The following MBLAC2 variants were observed in gnomAD, a reference collection of about 807,000 sequenced individuals.
The protein encoded by MBLAC2 is acyl-coenzyme A thioesterase MBLAC2.
In MBLAC2, 24 loss-of-function variants were observed where a neutral mutation model predicts 23.3. The ratio of observed to expected loss-of-function variants is 1.03; its 90% CI spans 0.75 to 1.45. The LOEUF (loss-of-function observed/expected upper bound fraction) is 1.45. Among genes scored for constraint, MBLAC2 ranks in the 40% most tolerant of loss-of-function variants. The pLI, the probability that MBLAC2 is intolerant of heterozygous loss-of-function variation, is 0.00. For synonymous variants in MBLAC2, 162 were observed against 150.9 expected (o/e 1.07, Z -0.54); for missense variants, 358 against 370.0 (o/e 0.97, Z 0.27).
At chr5:90,461,592 T>C (rs910166641) in intron 1 of MBLAC2, 40 bp from the exon 2 acceptor site, 1 of 1,554,084 alleles carries the variant, frequency 6.4e-7, no homozygotes, top group Non-Finnish European at 8.7e-7. Context: ...ACATGTTGTA[T>C]ACTTGACTTA....
chr5:90,469,170 T>C (rs1421886760), intron 1 of MBLAC2, among the ~76,000 whole-genome samples: 5 of 152,196 alleles, frequency 3.3e-5, no homozygotes, highest in Admixed American at 2.0e-4. Flanking sequence ...TTCACTATGT[T>C]GGCCAGGCTG....
chr5:90,463,124 C>A (rs1284204917), intron 1 of MBLAC2, among the ~76,000 whole-genome samples: 1 of 152,218 alleles, frequency 6.6e-6, no homozygotes, highest in Non-Finnish European at 1.5e-5. Flanking sequence ...TGCTCTCTCG[C>A]CCCGGCTGGA....
chr5:90,466,062 T>C (rs1027945795), intron 1 of MBLAC2, among the ~76,000 whole-genome samples: 4 of 152,210 alleles, frequency 2.6e-5, no homozygotes, highest in African/African-American at 7.2e-5. Flanking sequence ...AGAAGACGTA[T>C]ACTAATTTCA....
At chr5:90,462,927 CAACTGTAGTTGA>C (rs1580180023) in intron 1 of MBLAC2, among the ~76,000 whole-genome samples, 2 of 152,256 alleles carry the variant, frequency 1.3e-5, no homozygotes, top group South Asian at 2.1e-4. Flanking sequence ...ACATTCTTTT[CAACTGTAGTTGA>C]AATATTCAAC....
intron 1 of MBLAC2, among the ~76,000 whole-genome samples, chr5:90,470,754 G>GCACACA (rs112575403): frequency 0.11 from 12,874 of 112,256 alleles, 642 homozygotes; most frequent in African/African-American, 0.14. Context: ...ACTAGCGCGC[G>GCACACA]CGCACACACA....
At chr5:90,463,028 A>G (rs1471113965) in intron 1 of MBLAC2, among the ~76,000 whole-genome samples, 2 of 152,244 alleles carry the variant, frequency 1.3e-5, no homozygotes, top group Non-Finnish European at 2.9e-5. Context: ...TTCTCTGCCT[A>G]CAACATAATT....
intron 1 of MBLAC2, among the ~76,000 whole-genome samples, chr5:90,465,146 T>G (rs1347687062): frequency 6.6e-6 from 1 of 152,162 alleles, no homozygotes. Context: ...TTTACCAATG[T>G]TACAGGATAC....
At chr5:90,468,995 G>C (rs1444475592) in intron 1 of MBLAC2, among the ~76,000 whole-genome samples, 1 of 152,038 alleles carries the variant, frequency 6.6e-6, no homozygotes, top group African/African-American at 2.4e-5. Context: ...AGCATAAATA[G>C]GCAATCTAAG....
Position 90,474,115 on chromosome 5 carries a change from AGGAGTACAGGTACTCCGGGAG to A in MBLAC2, c.157_177del (p.Leu53_Ser59del). On this transcript the variant is annotated inframe_deletion, in exon 1 of 2. Coordinates refer to ENST00000316610, the MANE Select transcript of MBLAC2 (RefSeq NM_203406.2). ...GCCTCTCGGTCCTGCAAGAGGCCGG[AGGAGTACAGGTACTCCGGGAG>A]GCTGCGCAGCCCCAGGCCTGTATCG... 6.3e-7 allele frequency: 1 copy of A among 1,580,806 alleles called. No homozygotes were observed. The highest frequency in any genetic ancestry group is 8.6e-7 in the Non-Finnish European group (1 of 1,163,344).
intron 1 of MBLAC2, among the ~76,000 whole-genome samples, chr5:90,469,563 CT>C (rs1381609501): frequency 5.3e-5 from 8 of 152,008 alleles, no homozygotes; most frequent in Non-Finnish European, 8.8e-5. Context: ...TCTTATCCCC[CT>C]GATGATATTG....
intron 1 of MBLAC2, among the ~76,000 whole-genome samples, chr5:90,470,313 T>C (rs1217668373): frequency 2.0e-5 from 3 of 152,184 alleles, no homozygotes; most frequent in East Asian, 1.9e-4. Context: ...CAAGGATTTA[T>C]TGCATGTTTC....
At position 90,460,637 on chromosome 5, in the gene MBLAC2, CATGAA is replaced by C. The variant is rs1378294749; in HGVS notation, c.*525_*529del. 6.6e-6 allele frequency: 1 copy of C among 152,422 alleles called. No individual in the cohort carries two copies. The highest frequency in any genetic ancestry group is 2.4e-5 in the African/African-American group (1 of 41,400). 9.4% of individuals were successfully genotyped at this position (152,422 alleles called of 1,614,324 possible). On this transcript the variant is annotated 3_prime_UTR_variant, in exon 2 of 2. Coordinates refer to ENST00000316610, the MANE Select transcript of MBLAC2 (RefSeq NM_203406.2). Reference sequence around the variant, plus strand: ...GCTATAATTATACAAAGAATAAATACATGAAATGAAGCATAAAAAATTCAGGACCA... The same window carrying C: ...GCTATAATTATACAAAGAATAAATACATGAAGCATAAAAAATTCAGGACCA...
In MBLAC2 at chr5:90,474,388, TGCCTGCA is replaced by T. The variant is rs1554037636; in HGVS notation, c.-103_-97del. On this transcript the variant is annotated 5_prime_UTR_variant, in exon 1 of 2. Coordinates refer to ENST00000316610, the MANE Select transcript of MBLAC2 (RefSeq NM_203406.2). ...GGCACTGCGGCTGTGTGAAGCGGTC[TGCCTGCA>T]GCCAGGGAGGAGGCGTAGAGCGAGG... 1 of 1,165,642 alleles carries T rather than the reference TGCCTGCA, an allele frequency of 8.6e-7. No individual in the cohort carries two copies. The highest frequency in any genetic ancestry group is 1.2e-6 in the Non-Finnish European group (1 of 802,574). 72.2% of individuals were successfully genotyped at this position (1,165,642 alleles called of 1,614,324 possible). A position where few individuals can be genotyped will look rare whatever the true frequency, so the allele number is the denominator to read the frequency against.
chr5:90,466,886 C>A (rs1750455723), intron 1 of MBLAC2, among the ~76,000 whole-genome samples: 1 of 152,138 alleles, frequency 6.6e-6, no homozygotes, highest in Non-Finnish European at 1.5e-5. Context: ...GCCTGTAATA[C>A]CAGCAATTTG....
chr5:90,474,384 G>T lies in MBLAC2; in HGVS notation c.-92C>A, dbSNP rs377076752. Reference sequence around the variant, plus strand: ...ACAGGGCACTGCGGCTGTGTGAAGCGGTCTGCCTGCAGCCAGGGAGGAGGC... The same window carrying T: ...ACAGGGCACTGCGGCTGTGTGAAGCTGTCTGCCTGCAGCCAGGGAGGAGGC... On this transcript the variant is annotated 5_prime_UTR_variant, in exon 1 of 2. Transcript: ENST00000316610. The T allele has an allele frequency of 4.1e-6, 5 of 1,206,328 alleles. No homozygotes were observed. The highest frequency in any genetic ancestry group is 3.0e-5 in the African/African-American group (2 of 66,010). 74.7% of individuals were successfully genotyped at this position (1,206,328 alleles called of 1,614,324 possible).
At chr5:90,468,631 A>G (rs917274851) in intron 1 of MBLAC2, among the ~76,000 whole-genome samples, 1 of 152,076 alleles carries the variant, frequency 6.6e-6, no homozygotes, top group Non-Finnish European at 1.5e-5. Context: ...CTTACATTCT[A>G]TTCATCAGCA....
chr5:90,468,493 A>T (rs1239688872), intron 1 of MBLAC2, among the ~76,000 whole-genome samples: 1 of 151,600 alleles, frequency 6.6e-6, no homozygotes, highest in Admixed American at 6.6e-5. Flanking sequence ...TATTGCTGAG[A>T]CTTTCCAGTG....
chr5:90,471,929 A>T (rs1750555248), intron 1 of MBLAC2: 2 of 152,316 alleles, frequency 1.3e-5, no homozygotes, highest in South Asian at 2.1e-4. Flanking sequence ...AGTGTTTGGT[A>T]AACATTAAGC....
intron 1 of MBLAC2, chr5:90,471,863 C>T (rs1204029362): frequency 6.6e-6 from 1 of 152,176 alleles, no homozygotes; most frequent in Non-Finnish European, 1.5e-5. Context: ...GGGCATCCAG[C>T]TCCTAATGAA....
Sources: gnomAD v4.1 joint callset for allele counts (sites outside exome capture counted in the v4.1 genomes callset) on GRCh38, gnomAD v4.1.1 for gene constraint, MANE v1.5 for transcripts, NCBI Gene and HGNC (gene_info 2026-07-23, HGNC 2026-07-21) for gene names.